ANKRD44: variants seen among roughly 807,000 people sequenced by gnomAD.
ANKRD44 encodes serine/threonine-protein phosphatase 6 regulatory ankyrin repeat subunit B.
A neutral mutation model predicts 116.0 loss-of-function variants in ANKRD44; 35 were observed. The observed-to-expected ratio is 0.30, with a 90% CI of 0.23 to 0.40. The LOEUF is 0.40. Ranked by LOEUF, ANKRD44 falls within the 10% of genes least tolerant of loss-of-function variation. ANKRD44 has a pLI of 1.00. For missense variants in ANKRD44, 1,014 were observed against 1,242.6 expected, an observed-to-expected ratio of 0.82 and a Z score of 2.77; for synonymous variants, 435 against 461.8, an observed-to-expected ratio of 0.94 and a Z score of 0.74.
intron 3 of ANKRD44, among the ~76,000 whole-genome samples, chr2:197,141,549 G>A (rs2079366652): frequency 6.6e-6 from 1 of 152,154 alleles, no homozygotes; most frequent in African/African-American, 2.4e-5. Context: ...CTCATACAGT[G>A]ACCCACACCC....
At chr2:197,065,875 T>G (rs1259243753) in intron 16 of ANKRD44, among the ~76,000 whole-genome samples, 1 of 152,232 alleles carries the variant, frequency 6.6e-6, no homozygotes, top group Non-Finnish European at 1.5e-5. Context: ...GAGGAGCTGG[T>G]ACCATTCCTT....
At chr2:197,058,452 A>T (rs547805858) in intron 16 of ANKRD44, among the ~76,000 whole-genome samples, 1 of 151,992 alleles carries the variant, frequency 6.6e-6, no homozygotes, top group Admixed American at 6.6e-5. Flanking sequence ...CACGAATTAA[A>T]GCCTTTTTAA....
At chr2:197,047,064 G>A (rs1037706582) in intron 16 of ANKRD44, among the ~76,000 whole-genome samples, 9 of 150,784 alleles carry the variant, frequency 6.0e-5, no homozygotes, top group Non-Finnish European at 1.3e-4. Context: ...TGTCACACAC[G>A]CTAGAGTGCA....
chr2:197,217,191 C>T (rs1335536370), intron 1 of ANKRD44, among the ~76,000 whole-genome samples: 18 of 152,090 alleles, frequency 1.2e-4, no homozygotes, highest in Admixed American at 1.2e-3. Flanking sequence ...TAAATAATCA[C>T]AATTGTCTCC....
chr2:197,041,888 G>A (rs925960469), intron 16 of ANKRD44, among the ~76,000 whole-genome samples: 1 of 151,988 alleles, frequency 6.6e-6, no homozygotes, highest in Non-Finnish European at 1.5e-5. Context: ...TCTAATCTAA[G>A]CTAAACATGA....
intron 2 of ANKRD44, among the ~76,000 whole-genome samples, chr2:197,171,972 A>G (rs2080245018): frequency 1.3e-5 from 2 of 149,158 alleles, no homozygotes; most frequent in African/African-American, 4.9e-5. Flanking sequence ...TACTCCCATT[A>G]TTATTACCAT....
chr2:197,016,633 C>T (rs7561423), intron 17 of ANKRD44, among the ~76,000 whole-genome samples: 119,841 of 151,956 alleles, frequency 0.79, 49,968 homozygotes, highest in East Asian at 0.96. Flanking sequence ...GAATGGATAT[C>T]TGTATGTTTG....
intron 1 of ANKRD44, among the ~76,000 whole-genome samples, chr2:197,304,272 C>T (rs2084002519): frequency 6.6e-6 from 1 of 151,992 alleles, no homozygotes; most frequent in Admixed American, 6.5e-5. Context: ...CAAGATTGCA[C>T]CACTATACTC....
chr2:196,975,120 A>G lies in ANKRD44; in HGVS notation c.2369-7674T>C, dbSNP rs2075747605. ...ACTCAAATTAGTCAAATCAGAAATG[A>G]AAGAGGGGACATTACTACTAACCTT... On this transcript the variant is annotated intron_variant, in intron 21 of 21. Transcript: ENST00000424317. 2.6e-5 allele frequency among the ~76,000 whole-genome samples: 4 copies of G among 152,134 alleles called. No homozygotes were observed. The South Asian group carries it at 8.3e-4, about 31-fold the overall frequency.
intron 2 of ANKRD44, among the ~76,000 whole-genome samples, chr2:197,168,400 TATTTATTTTCAA>T (rs2080148548): frequency 6.6e-6 from 1 of 152,224 alleles, no homozygotes; most frequent in Non-Finnish European, 1.5e-5. Flanking sequence ...TAAATGGCCT[TATTTATTTTCAA>T]ACTCAGGGTA....
intron 1 of ANKRD44, among the ~76,000 whole-genome samples, chr2:197,265,974 T>C (rs1345964062): frequency 6.6e-6 from 1 of 152,140 alleles, no homozygotes; most frequent in Non-Finnish European, 1.5e-5. Flanking sequence ...GCATATGACA[T>C]AGCCCTATAT....
intron 2 of ANKRD44, among the ~76,000 whole-genome samples, chr2:197,147,446 A>G (rs1405114130): frequency 7.0e-6 from 1 of 142,650 alleles, no homozygotes; most frequent in Non-Finnish European, 1.6e-5. Context: ...AAAAAAAAAA[A>G]TCTAACCTAC....
At chr2:197,170,190 C>CAAAAAAAA (rs71012960) in intron 2 of ANKRD44, among the ~76,000 whole-genome samples, 43 of 119,730 alleles carry the variant, frequency 3.6e-4, no homozygotes, top group African/African-American at 1.2e-3. Flanking sequence ...ACCCTGTTTC[C>CAAAAAAAA]AAAAAAAAAA....
At chr2:197,222,567 G>T (rs1206755955) in intron 1 of ANKRD44, among the ~76,000 whole-genome samples, 2 of 152,082 alleles carry the variant, frequency 1.3e-5, no homozygotes, top group Non-Finnish European at 2.9e-5. Flanking sequence ...TTTTCAGTGG[G>T]TGTGACAGTC....
intron 10 of ANKRD44, among the ~76,000 whole-genome samples, chr2:197,095,728 C>CACTTACTTCACCTGCA (rs2078146131): frequency 6.6e-6 from 1 of 152,154 alleles, no homozygotes; most frequent in African/African-American, 2.4e-5. Context: ...CTCCGTGCCT[C>CACTTACTTCACCTGCA]ACTTACTTCA....
chr2:197,150,563 A>T (rs1466218101), intron 2 of ANKRD44, among the ~76,000 whole-genome samples: 2 of 152,172 alleles, frequency 1.3e-5, no homozygotes, highest in African/African-American at 4.8e-5. Context: ...AAAAGAAAAA[A>T]AATGAAAGCA....
At chr2:196,971,976 G>GC (rs2075719165) in intron 21 of ANKRD44, among the ~76,000 whole-genome samples, 1 of 152,122 alleles carries the variant, frequency 6.6e-6, no homozygotes, top group Admixed American at 6.6e-5. Flanking sequence ...GGAAGCCTGC[G>GC]CCACCACTGC....
At chr2:197,015,395 T>C in intron 17 of ANKRD44, 1 of 584,838 alleles carries the variant, frequency 1.7e-6, no homozygotes, top group Non-Finnish European at 3.0e-6. Flanking sequence ...GGATTTGCTT[T>C]TGTAACTTTT....
intron 1 of ANKRD44, among the ~76,000 whole-genome samples, chr2:197,196,553 T>C (rs1202804337): frequency 6.6e-6 from 1 of 152,194 alleles, no homozygotes; most frequent in Non-Finnish European, 1.5e-5. Flanking sequence ...TCAAGTGTCC[T>C]TTAAAAACAA....
Sources: gnomAD v4.1 joint callset for allele counts (sites outside exome capture counted in the v4.1 genomes callset) on GRCh38, gnomAD v4.1.1 for gene constraint, MANE v1.5 for transcripts, NCBI Gene and HGNC (gene_info 2026-07-23, HGNC 2026-07-21) for gene names.